Variants in CDH9 observed in about 807,000 individuals in gnomAD.
The protein encoded by CDH9 is cadherin-9.
In CDH9, 28 loss-of-function variants were observed where a neutral mutation model predicts 70.9. That is an observed-to-expected ratio of 0.40 (90% CI 0.29 to 0.54). The LOEUF (loss-of-function observed/expected upper bound fraction) is 0.54, where lower values mean the gene tolerates loss of function less well. Ranked by LOEUF, CDH9 falls within the 20% of genes least tolerant of loss-of-function variation. CDH9 has a pLI of 0.59. For synonymous variants in CDH9, 409 were observed against 343.1 expected (o/e 1.19, Z -2.12); for missense variants, 874 against 984.4 (o/e 0.89, Z 1.50).
chr5:26,952,634 C>CAAA (rs35876875), intron 2 of CDH9, among the ~76,000 whole-genome samples: 854 of 57,534 alleles, frequency 0.015, 67 homozygotes, highest in African/African-American at 0.044. Flanking sequence ...GACTCCGTCT[C>CAAA]AAAAAAAAAA....
At chr5:26,923,128 GA>G (rs534718691) in intron 2 of CDH9, among the ~76,000 whole-genome samples, 1 of 135,320 alleles carries the variant, frequency 7.4e-6, no homozygotes, top group Non-Finnish European at 1.6e-5. Context: ...TTGAATGGAT[GA>G]AAAAAAGAAA....
chr5:26,897,732 G>A (rs1035721486), intron 7 of CDH9, among the ~76,000 whole-genome samples: 1 of 152,096 alleles, frequency 6.6e-6, no homozygotes, highest in African/African-American at 2.4e-5. Flanking sequence ...GGCACAGGCT[G>A]GAAACATTCC....
At chr5:26,905,227 T>C (rs1740925436) in intron 5 of CDH9, among the ~76,000 whole-genome samples, 1 of 152,100 alleles carries the variant, frequency 6.6e-6, no homozygotes, top group Non-Finnish European at 1.5e-5. Flanking sequence ...CAGCAGAGAA[T>C]GGAAATCTTT....
chr5:26,978,234 G>A, intron 2 of CDH9, among the ~76,000 whole-genome samples: 1 of 152,014 alleles, frequency 6.6e-6, no homozygotes, highest in Admixed American at 6.6e-5. Context: ...ATTGAATTTA[G>A]TGGGACAAAG....
intron 1 of CDH9, among the ~76,000 whole-genome samples, chr5:27,021,628 C>T (rs976405760): frequency 3.3e-5 from 5 of 151,674 alleles, no homozygotes; most frequent in African/African-American, 9.7e-5. Flanking sequence ...TTTTATATAA[C>T]GTCAACAATA....
intron 2 of CDH9, among the ~76,000 whole-genome samples, chr5:26,925,451 C>G (rs1741320770): frequency 6.6e-6 from 1 of 151,968 alleles, no homozygotes; most frequent in Admixed American, 6.6e-5. Flanking sequence ...AGATATCAGC[C>G]CTTTGTCAGA....
intron 3 of CDH9, among the ~76,000 whole-genome samples, chr5:26,915,338 A>C (rs2112004898): frequency 6.6e-6 from 1 of 152,130 alleles, no homozygotes; most frequent in South Asian, 2.1e-4. Flanking sequence ...TTTCTGGCAA[A>C]AATACATTCC....
At chr5:27,023,234 T>C (rs958448619) in intron 1 of CDH9, among the ~76,000 whole-genome samples, 1 of 152,106 alleles carries the variant, frequency 6.6e-6, no homozygotes, top group Non-Finnish European at 1.5e-5. Flanking sequence ...GGGAAATGTT[T>C]AGTTAACTCT....
intron 1 of CDH9, among the ~76,000 whole-genome samples, chr5:27,038,083 T>C (rs1743424810): frequency 1.3e-5 from 2 of 151,990 alleles, no homozygotes; most frequent in African/African-American, 2.4e-5. Flanking sequence ...CATTTCAAAT[T>C]AATATAATAA....
At chr5:26,900,951 T>C (rs1037057672) in intron 7 of CDH9, among the ~76,000 whole-genome samples, 2 of 152,066 alleles carry the variant, frequency 1.3e-5, no homozygotes, top group South Asian at 2.1e-4. Context: ...TAATTTACAC[T>C]CTTTTCTAAT....
At chr5:26,919,693 G>T (rs1433050650) in intron 2 of CDH9, among the ~76,000 whole-genome samples, 1 of 151,942 alleles carries the variant, frequency 6.6e-6, no homozygotes, top group Non-Finnish European at 1.5e-5. Flanking sequence ...GAGGTGGGAG[G>T]GGAAAGAGGA....
At chr5:26,883,921 T>A (rs1740517098) in intron 11 of CDH9, among the ~76,000 whole-genome samples, 1 of 152,114 alleles carries the variant, frequency 6.6e-6, no homozygotes, top group Non-Finnish European at 1.5e-5. Context: ...TTATTGTCAG[T>A]GCTATGTCAC....
At chr5:27,015,597 T>C (rs1283175016) in intron 1 of CDH9, among the ~76,000 whole-genome samples, 1 of 151,656 alleles carries the variant, frequency 6.6e-6, no homozygotes, top group Non-Finnish European at 1.5e-5. Flanking sequence ...GTTTTCCTCT[T>C]AGGAAGTTGC....
intron 2 of CDH9, among the ~76,000 whole-genome samples, chr5:26,965,379 C>T (rs1579481862): frequency 6.6e-6 from 1 of 151,902 alleles, no homozygotes; most frequent in African/African-American, 2.4e-5. Flanking sequence ...AGTTCACAAC[C>T]TGCCTGGCCA....
intron 7 of CDH9, among the ~76,000 whole-genome samples, chr5:26,893,916 T>A (rs1299054050): frequency 6.6e-6 from 1 of 152,124 alleles, no homozygotes; most frequent in Non-Finnish European, 1.5e-5. Context: ...CCTTTCACAA[T>A]TCCTGATGTG....
At chr5:26,969,401 A>G (rs924582530) in intron 2 of CDH9, among the ~76,000 whole-genome samples, 1 of 152,072 alleles carries the variant, frequency 6.6e-6, no homozygotes, top group Non-Finnish European at 1.5e-5. Context: ...ACATTTCACT[A>G]TTGTTTTAAT....
chr5:26,970,985 C>T (rs1444337971), intron 2 of CDH9, among the ~76,000 whole-genome samples: 2 of 152,096 alleles, frequency 1.3e-5, no homozygotes, highest in African/African-American at 4.8e-5. Context: ...AGAATGTTAG[C>T]AGTAAAAACA....
At position 27,010,363 on chromosome 5, in the gene CDH9, G is replaced by A. The variant is rs145979961; in HGVS notation, c.-49-21981C>T. On this transcript the variant is annotated intron_variant, in intron 1 of 11. Coordinates refer to ENST00000231021, the MANE Select transcript of CDH9 (RefSeq NM_016279.4). ...TGATATTAGCCAGTTACACACAAAG[G>A]TGTATCCTTATTTCTATCTTTCATC... Among the ~76,000 whole-genome samples, 108 of 152,150 alleles carry A rather than the reference G, an allele frequency of 7.1e-4. 1 individual carries two copies. The highest frequency in any genetic ancestry group is 2.4e-3 in the African/African-American group (101 of 41,528).
At chr5:26,937,543 T>C (rs1741581497) in intron 2 of CDH9, among the ~76,000 whole-genome samples, 1 of 152,132 alleles carries the variant, frequency 6.6e-6, no homozygotes, top group Admixed American at 6.6e-5. Flanking sequence ...CATGAATATG[T>C]ATAGCAACTT....
Sources: allele counts gnomAD v4.1 joint callset (sites outside exome capture counted in the v4.1 genomes callset), GRCh38; gene constraint gnomAD v4.1.1; transcripts MANE v1.5; gene names NCBI Gene and HGNC (gene_info 2026-07-23, HGNC 2026-07-21).